The following ARHGAP20 variants were observed in gnomAD, a reference collection of about 807,000 sequenced individuals.
ARHGAP20 encodes rho GTPase-activating protein 20.
Under a neutral mutation model 73.7 loss-of-function variants are expected in ARHGAP20, and 34 were observed. The observed-to-expected ratio is 0.46, with a 90% CI of 0.35 to 0.61. The LOEUF (loss-of-function observed/expected upper bound fraction) is 0.61. ARHGAP20 is among the 20% of genes least tolerant of loss of function. The probability of loss-of-function intolerance (pLI) is 0.00; values close to 1 mark genes in which losing one functional copy is unlikely to be tolerated. For missense variants in ARHGAP20, 1,314 were observed against 1,420.9 expected (o/e 0.92, Z 1.21); for synonymous variants, 523 against 518.2 (o/e 1.01, Z -0.13).
chr11:110,578,616 T>C lies in ARHGAP20; in HGVS notation c.*754A>G, dbSNP rs1256710793. 3 of 985,342 alleles carry C rather than the reference T, an allele frequency of 3.0e-6. No individual in the cohort carries two copies. Among genetic ancestry groups the C allele is most frequent in the African/African-American group, 3.5e-5 (2 of 57,252 alleles). 61.0% of individuals were successfully genotyped at this position (985,342 alleles called of 1,614,324 possible). A position where few individuals can be genotyped will look rare whatever the true frequency, so the allele number is the denominator to read the frequency against. ...GGCAGAGATACCTTTGAAAGGGTAC[T>C]GAAATGGGCAGCCATTTTCTTCTTT... is the stretch of plus-strand genomic sequence containing the variant. On this transcript the variant is annotated 3_prime_UTR_variant, in exon 15 of 15. Transcript: ENST00000683387.
intron 2 of ARHGAP20, among the ~76,000 whole-genome samples, chr11:110,648,226 T>TATATATATATGTAA (rs1158352483): frequency 6.8e-4 from 54 of 79,338 alleles, no homozygotes; most frequent in South Asian, 1.7e-3. Context: ...TATATGTATA[T>TATATATATATGTAA]ATATATATAT....
chr11:110,708,573 C>T (rs976280355), intron 1 of ARHGAP20, among the ~76,000 whole-genome samples: 15 of 152,162 alleles, frequency 9.9e-5, no homozygotes, highest in Middle Eastern at 3.4e-3. Flanking sequence ...TATCGATACA[C>T]GCAAAACCAT....
At chr11:110,661,926 C>G (rs554403212) in intron 2 of ARHGAP20, among the ~76,000 whole-genome samples, 1 of 151,926 alleles carries the variant, frequency 6.6e-6, no homozygotes, top group African/African-American at 2.4e-5. Context: ...ACTGCAGGAT[C>G]ATTTATAACC....
At chr11:110,680,186 C>T (rs1021035579) in intron 2 of ARHGAP20, among the ~76,000 whole-genome samples, 6 of 152,126 alleles carry the variant, frequency 3.9e-5, no homozygotes, top group African/African-American at 1.4e-4. Context: ...AAGTCATCCC[C>T]ATTTTACAGA....
chr11:110,644,717 C>G (rs1372368769), intron 2 of ARHGAP20, among the ~76,000 whole-genome samples: 1 of 152,058 alleles, frequency 6.6e-6, no homozygotes, highest in Admixed American at 6.6e-5. Flanking sequence ...ATACCATTCT[C>G]AATATTGGCC....
intron 2 of ARHGAP20, among the ~76,000 whole-genome samples, chr11:110,672,580 G>C (rs1237661293): frequency 6.6e-6 from 1 of 152,016 alleles, no homozygotes; most frequent in Admixed American, 6.6e-5. Flanking sequence ...GAGTAGCTGG[G>C]ACTACAAGCA....
rs1164675682 is a variant in ARHGAP20, at chr11:110,579,027, T to C, written c.*343A>G. On this transcript the variant is annotated 3_prime_UTR_variant, in exon 15 of 15. Transcript: ENST00000683387. The stretch of plus-strand genomic sequence containing the variant: ...CCCCTATTCCTCATTCCTGATATCT[T>C]GGTCTTCTCAGGACATCAATCTCAC... 1.0e-6 allele frequency: 1 copy of C among 1,002,120 alleles called. No individual in the cohort carries two copies. Among genetic ancestry groups the C allele is most frequent in the Non-Finnish European group, 1.2e-6 (1 of 839,138 alleles). The allele number at this position is 1,002,120 out of a possible 1,614,324, so 62.1% of individuals were successfully genotyped here.
intron 2 of ARHGAP20, among the ~76,000 whole-genome samples, chr11:110,658,783 G>C (rs184229285): frequency 1.3e-5 from 2 of 151,806 alleles, no homozygotes; most frequent in East Asian, 3.9e-4. Context: ...GTTATTTATT[G>C]TTTTGTTTTC....
intron 2 of ARHGAP20, among the ~76,000 whole-genome samples, chr11:110,667,841 G>A (rs1466687610): frequency 6.6e-6 from 1 of 152,158 alleles, no homozygotes; most frequent in African/African-American, 2.4e-5. Context: ...CTGCAAATGT[G>A]GTAGAAACAG....
intron 2 of ARHGAP20, among the ~76,000 whole-genome samples, chr11:110,648,491 T>G (rs1226841280): frequency 2.7e-5 from 4 of 149,048 alleles, no homozygotes; most frequent in Non-Finnish European, 1.5e-5. Flanking sequence ...TGAATTTTTT[T>G]TTTTTTTTTT....
chr11:110,625,279 C>G (rs972761949), intron 3 of ARHGAP20, among the ~76,000 whole-genome samples: 2 of 151,570 alleles, frequency 1.3e-5, no homozygotes, highest in Non-Finnish European at 2.9e-5. Flanking sequence ...CCTCATGATC[C>G]ACCCGCCTCG....
At chr11:110,601,192 C>G (rs1024871031) in intron 9 of ARHGAP20, among the ~76,000 whole-genome samples, 6 of 152,132 alleles carry the variant, frequency 3.9e-5, no homozygotes, top group African/African-American at 1.2e-4. Flanking sequence ...TTTATGAATT[C>G]TGTGCATTTT....
intron 2 of ARHGAP20, among the ~76,000 whole-genome samples, chr11:110,647,307 G>A (rs1949217114): frequency 6.6e-6 from 1 of 152,094 alleles, no homozygotes; most frequent in African/African-American, 2.4e-5. Flanking sequence ...GTTAGTATAG[G>A]TGGAGAACAG....
intron 2 of ARHGAP20, among the ~76,000 whole-genome samples, chr11:110,639,967 A>G (rs1341500937): frequency 1.3e-5 from 2 of 151,960 alleles, no homozygotes; most frequent in African/African-American, 4.8e-5. Flanking sequence ...TTGCTAGATC[A>G]TATGGTAATT....
chr11:110,601,484 T>C (rs1411423959), intron 9 of ARHGAP20, among the ~76,000 whole-genome samples: 2 of 152,180 alleles, frequency 1.3e-5, no homozygotes, highest in Non-Finnish European at 2.9e-5. Flanking sequence ...TAAAGTCTGG[T>C]AGAATATAGA....
In ARHGAP20 at chr11:110,581,948, AC is replaced by A. The variant is rs1165713742; in HGVS notation, c.1720+372del. Among the ~76,000 whole-genome samples, 268 of 148,734 alleles carry A rather than the reference AC, an allele frequency of 1.8e-3. 1 individual carries two copies. The highest frequency in any genetic ancestry group is 3.4e-3 in the Non-Finnish European group (227 of 66,938). On this transcript the variant is annotated intron_variant, in intron 14 of 14. Transcript: ENST00000683387. ...GAGAGGACAAAAAAAAAAAAAAAAAACATTCATGCCTCTACTACCTCTGGGC... is the reference window on the plus strand; with the variant it reads ...GAGAGGACAAAAAAAAAAAAAAAAAAATTCATGCCTCTACTACCTCTGGGC...
intron 2 of ARHGAP20, among the ~76,000 whole-genome samples, chr11:110,632,643 G>C (rs1948883088): frequency 6.6e-6 from 1 of 152,162 alleles, no homozygotes. Flanking sequence ...GACCTCAGAT[G>C]ATCTGCCTGC....
rs1950344008 is a variant in ARHGAP20 at position 110,696,753 on chromosome 11, T to A, written c.106-6124A>T. ...CACCTCCCTTTTGGAGTCTCCAGTG[T>A]TTATTATTTCCATCTTTATGTCCAT... On this transcript the variant is annotated intron_variant, in intron 1 of 14. Transcript: ENST00000683387. 2.0e-5 allele frequency among the ~76,000 whole-genome samples: 3 copies of A among 151,744 alleles called. No homozygotes were observed. The South Asian group carries it at 6.2e-4, about 31-fold the overall frequency.
At chr11:110,656,969 G>A (rs1949481156) in intron 2 of ARHGAP20, among the ~76,000 whole-genome samples, 1 of 152,216 alleles carries the variant, frequency 6.6e-6, no homozygotes, top group Admixed American at 6.5e-5. Flanking sequence ...TCTTCCAAAG[G>A]TAAAACAGTT....
Sources: allele counts gnomAD v4.1 joint callset (sites outside exome capture counted in the v4.1 genomes callset), GRCh38; gene constraint gnomAD v4.1.1; transcripts MANE v1.5; gene names NCBI Gene and HGNC (gene_info 2026-07-23, HGNC 2026-07-21).